Variants in DCDC2C observed in about 807,000 individuals in gnomAD.
The protein encoded by DCDC2C is doublecortin domain containing 2C, also known as doublecortin domain-containing protein 2C.
A neutral mutation model predicts 45.0 loss-of-function variants in DCDC2C; 44 were observed. The observed-to-expected ratio is 0.98, with a 90% CI of 0.77 to 1.26. DCDC2C has a LOEUF of 1.26. Ranked by LOEUF, DCDC2C falls within the 50% of genes most tolerant of loss-of-function variation. DCDC2C has a pLI of 0.00. For missense variants in DCDC2C, 447 were observed against 468.9 expected (o/e 0.95, Z 0.43); for synonymous variants, 187 against 178.8 (o/e 1.05, Z -0.37).
chr2:3,798,435 C>T (rs1298368988), intron 10 of DCDC2C, among the ~76,000 whole-genome samples: 2 of 150,812 alleles, frequency 1.3e-5, no homozygotes, highest in Admixed American at 6.6e-5. Context: ...GGTTATTTTG[C>T]TCGTTAGTTG....
At chr2:3,792,513 T>C (rs1420947632) in intron 10 of DCDC2C, among the ~76,000 whole-genome samples, 2 of 152,352 alleles carry the variant, frequency 1.3e-5, no homozygotes, top group East Asian at 1.9e-4. Context: ...TTTTAAGATA[T>C]ATGAATTATT....
chr2:3,703,909 A>G lies in DCDC2C; in HGVS notation c.158A>G (p.Gln53Arg). 1 of 1,343,266 alleles carries G rather than the reference A, an allele frequency of 7.4e-7. No individual in the cohort carries two copies. Among genetic ancestry groups the G allele is most frequent in the Non-Finnish European group, 9.6e-7 (1 of 1,043,180 alleles). 83.2% of individuals were successfully genotyped at this position (1,343,266 alleles called of 1,614,324 possible). The part of the protein sequence containing the change: ...FEALLEQLTE[Q>R]VDVPFGVRRL... ...GCGCTGCTGGAGCAGCTCACGGAGC[A>G]GGTGGACGTCCCGTTCGGCGTGCGC... Residue 53 changes from glutamine to arginine, a missense_variant, in exon 1 of 11, where the codon CAG becomes CGG. Physicochemically the swap from Gln to Arg is conservative, Grantham distance 43. Transcript: ENST00000399143. This position sits in a 1 kb window ranked among gnomAD's most constrained non-coding sequence, Gnocchi z 4.4.
At chr2:3,829,213 C>A (rs1671896543) in intron 10 of DCDC2C, among the ~76,000 whole-genome samples, 1 of 151,932 alleles carries the variant, frequency 6.6e-6, no homozygotes, top group Non-Finnish European at 1.5e-5. Flanking sequence ...GTGCTGTGAG[C>A]CTGAGAATCC....
intron 10 of DCDC2C, among the ~76,000 whole-genome samples, chr2:3,809,381 T>C (rs886739731): frequency 4.6e-5 from 7 of 152,234 alleles, no homozygotes; most frequent in African/African-American, 1.4e-4. Flanking sequence ...GTTCTATCTC[T>C]CTATTTATTC....
chr2:3,795,077 T>A (rs1414828692), intron 10 of DCDC2C, among the ~76,000 whole-genome samples: 4 of 151,948 alleles, frequency 2.6e-5, no homozygotes, highest in Non-Finnish European at 5.9e-5. Flanking sequence ...TGAGATGGTA[T>A]CTCATTATGG....
chr2:3,730,404 A>T (rs923862922), intron 3 of DCDC2C, among the ~76,000 whole-genome samples: 3 of 152,230 alleles, frequency 2.0e-5, no homozygotes, highest in African/African-American at 7.2e-5. Context: ...AAGCTGTGTT[A>T]GCTATTGTGT....
chr2:3,707,813 G>A (rs1668107606), intron 1 of DCDC2C, among the ~76,000 whole-genome samples: 2 of 152,118 alleles, frequency 1.3e-5, no homozygotes, highest in African/African-American at 4.8e-5. Context: ...TGAACACTTA[G>A]TTATTTCTTC....
At chr2:3,838,482 G>GAGAGAGAGAGAC (rs1672137086) in intron 10 of DCDC2C, among the ~76,000 whole-genome samples, 1 of 147,012 alleles carries the variant, frequency 6.8e-6, no homozygotes, top group Non-Finnish European at 1.5e-5. Flanking sequence ...GAGAGAGAGA[G>GAGAGAGAGAGAC]ACCAAACACC....
intron 4 of DCDC2C, 146 bp from the exon 5 acceptor site, chr2:3,752,617 C>T: frequency 2.1e-6 from 2 of 954,290 alleles, no homozygotes; most frequent in Non-Finnish European, 3.3e-6. Flanking sequence ...GTTTAATTGG[C>T]CCGTTTGGAT....
intron 2 of DCDC2C, among the ~76,000 whole-genome samples, chr2:3,711,444 A>G (rs908834725): frequency 7.2e-5 from 11 of 152,230 alleles, no homozygotes; most frequent in African/African-American, 1.9e-4. Context: ...CATTTACACC[A>G]TGGAATACTA....
At position 3,826,778 on chromosome 2, in the gene DCDC2C, A is replaced by G. The variant is rs181847765; in HGVS notation, c.1066-20376A>G. On this transcript the variant is annotated intron_variant, in intron 10 of 10. Coordinates refer to ENST00000399143, the MANE Select transcript of DCDC2C (RefSeq NM_001287444.2). The stretch of plus-strand genomic sequence containing the variant: ...CCCAAATAAAGCACCTGCAGCCCCC[A>G]TTAAAAAGTATGGTAATTAAGATCC... Among the ~76,000 whole-genome samples the G allele has an allele frequency of 9.0e-3, 1,368 of 152,222 alleles. 13 individuals are homozygous for G. The highest frequency in any genetic ancestry group is 0.014 in the Non-Finnish European group (972 of 68,000).
At chr2:3,831,722 G>A (rs763903085) in intron 10 of DCDC2C, among the ~76,000 whole-genome samples, 2 of 152,230 alleles carry the variant, frequency 1.3e-5, no homozygotes, top group African/African-American at 2.4e-5. Flanking sequence ...GTGGTGGAAC[G>A]TGTAGAAGTC....
intron 10 of DCDC2C, among the ~76,000 whole-genome samples, chr2:3,823,235 T>A (rs1572642647): frequency 6.6e-6 from 1 of 152,082 alleles, no homozygotes; most frequent in African/African-American, 2.4e-5. Flanking sequence ...TCTGATCTAT[T>A]TTTTTTTCAT....
At chr2:3,712,000 C>G (rs1183896903) in intron 2 of DCDC2C, among the ~76,000 whole-genome samples, 2 of 152,088 alleles carry the variant, frequency 1.3e-5, no homozygotes, top group Non-Finnish European at 2.9e-5. Context: ...AGTAGTCACC[C>G]CTAGAAAGGG....
At chr2:3,710,475 G>A (rs1374154534) in intron 2 of DCDC2C, among the ~76,000 whole-genome samples, 1 of 152,106 alleles carries the variant, frequency 6.6e-6, no homozygotes, top group African/African-American at 2.4e-5. Flanking sequence ...TTCTGTTCCT[G>A]CATTAGTTTG....
chr2:3,778,708 C>T, intron 8 of DCDC2C, 108 bp from the exon 9 acceptor site: 2 of 993,730 alleles, frequency 2.0e-6, no homozygotes, highest in South Asian at 3.2e-5. Context: ...TTCCCCAGCT[C>T]TACCCATAGA....
intron 3 of DCDC2C, among the ~76,000 whole-genome samples, chr2:3,735,647 G>A (rs1269897984): frequency 1.3e-5 from 2 of 152,134 alleles, no homozygotes; most frequent in Non-Finnish European, 2.9e-5. Context: ...CCAGGAATAT[G>A]GTTCATTTTC....
At chr2:3,829,327 TAAGG>T (rs1671900975) in intron 10 of DCDC2C, among the ~76,000 whole-genome samples, 1 of 148,924 alleles carries the variant, frequency 6.7e-6, no homozygotes, top group African/African-American at 2.5e-5. Flanking sequence ...ATCTGGCAAC[TAAGG>T]AATGGTTAAA....
rs112270297 is a variant in DCDC2C, at chr2:3,770,102, A to T, written c.954+691A>T. 6.7e-3 allele frequency among the ~76,000 whole-genome samples: 1,026 copies of T among 152,348 alleles called. 7 individuals carry two copies. Among genetic ancestry groups the T allele is most frequent in the African/African-American group, 0.024 (996 of 41,582 alleles). ...GGCAAATGGCAGATTGTGCTCAGTG[A>T]TCTCCTAAAATGCATGCTTTGTCTT... is the stretch of plus-strand genomic sequence containing the variant. On this transcript the variant is annotated intron_variant, in intron 8 of 10. Coordinates refer to ENST00000399143, the MANE Select transcript of DCDC2C (RefSeq NM_001287444.2).
Sources: gnomAD v4.1 joint callset for allele counts (sites outside exome capture counted in the v4.1 genomes callset) on GRCh38, gnomAD v4.1.1 for gene constraint, Gnocchi (gnomAD v3.1) non-coding constraint, MANE v1.5 for transcripts, NCBI Gene and HGNC (gene_info 2026-07-23, HGNC 2026-07-21) for gene names.